The following HUNK variants were observed in gnomAD, a reference collection of about 807,000 sequenced individuals.
HUNK encodes hormonally up-regulated Neu-associated kinase.
In HUNK, 21 loss-of-function variants were observed where a neutral mutation model predicts 61.0. The observed-to-expected ratio is 0.34, with a 90% confidence interval of 0.24 to 0.50. The LOEUF is 0.50. Among genes scored for constraint, HUNK ranks in the 20% least tolerant of loss-of-function variants. The probability of loss-of-function intolerance (pLI) is 0.98; values close to 1 mark genes in which losing one functional copy is unlikely to be tolerated. For synonymous variants in HUNK, 371 were observed against 386.1 expected (o/e 0.96, Z 0.46); for missense variants, 772 against 945.7 (o/e 0.82, Z 2.41).
At chr21:31,919,852 C>T (rs1601378347) in intron 1 of HUNK, among the ~76,000 whole-genome samples, 2 of 152,290 alleles carry the variant, frequency 1.3e-5, no homozygotes, top group African/African-American at 4.8e-5. Flanking sequence ...TTCCCCACTG[C>T]CAAGGAGGGT....
In HUNK at chr21:31,995,854, C is replaced by A. The variant is rs1347913094; in HGVS notation, c.1392C>A (p.His464Gln). Reference protein sequence around the residue: ...SKKLDKNLPSHKQPSGSLMTQ... With the variant: ...SKKLDKNLPSQKQPSGSLMTQ... ...AGTTGGACAAGAACCTGCCCTCGCA[C>A]AAACAGCCCTCAGGCTCGCTTATGA... is the stretch of plus-strand genomic sequence containing the variant. The change falls in exon 10 of 11, where the codon CAC becomes CAA. Residue 464 changes from histidine to glutamine, a missense_variant. Transcript: ENST00000270112. 6.2e-7 allele frequency: 1 copy of A among 1,613,986 alleles called. No homozygotes were observed. Among genetic ancestry groups the A allele is most frequent in the Non-Finnish European group, 8.5e-7 (1 of 1,179,804 alleles).
At chr21:31,955,786 C>A (rs1455282989) in intron 4 of HUNK, among the ~76,000 whole-genome samples, 1 of 152,188 alleles carries the variant, frequency 6.6e-6, no homozygotes, top group African/African-American at 2.4e-5. Context: ...TTGAGAAACA[C>A]TGAATGAGTT....
intron 1 of HUNK, among the ~76,000 whole-genome samples, chr21:31,913,278 T>C (rs1463693468): frequency 6.6e-6 from 1 of 151,894 alleles, no homozygotes; most frequent in Admixed American, 6.6e-5. Context: ...GAATTGGGGT[T>C]GACCTGGCCA....
intron 1 of HUNK, among the ~76,000 whole-genome samples, chr21:31,875,103 C>T (rs1014949051): frequency 3.3e-5 from 5 of 152,170 alleles, no homozygotes; most frequent in Non-Finnish European, 7.4e-5. Flanking sequence ...AGGCGTCAGC[C>T]GCAAGGAGGG....
intron 5 of HUNK, among the ~76,000 whole-genome samples, chr21:31,963,623 A>T (rs944001703): frequency 6.6e-6 from 1 of 152,002 alleles, no homozygotes; most frequent in Non-Finnish European, 1.5e-5. Flanking sequence ...CAGCCTCCCA[A>T]GTAGCTGGGA....
At chr21:31,917,431 A>G (rs990737909) in intron 1 of HUNK, among the ~76,000 whole-genome samples, 24 of 152,112 alleles carry the variant, frequency 1.6e-4, no homozygotes, top group Non-Finnish European at 3.1e-4. Context: ...GTTGATGAAT[A>G]ATCTCTTTCA....
chr21:31,937,345 G>A (rs552038757), intron 2 of HUNK, among the ~76,000 whole-genome samples: 1 of 152,282 alleles, frequency 6.6e-6, no homozygotes, highest in African/African-American at 2.4e-5. Context: ...AGGAAGGAAG[G>A]TAAAAGCATT....
rs1568928042 is a variant in HUNK at position 31,930,996 on chromosome 21, C to CAT, written c.554+6239_554+6240dup. 4.6e-5 allele frequency among the ~76,000 whole-genome samples: 6 copies of CAT among 129,892 alleles called. No individual in the cohort carries two copies. In the Admixed American group the frequency reaches 5.7e-4, roughly 12 times the overall value. 85.2% of individuals were successfully genotyped at this position (129,892 alleles called of 152,430 possible). A position where few individuals can be genotyped will look rare whatever the true frequency, so the allele number is the denominator to read the frequency against. ...TATTCTTGTATTTTACCAAAATACC[C>CAT]ATATTGTAAATAAATCAAGAATTTG... On this transcript the variant is annotated intron_variant, in intron 2 of 10. Coordinates refer to ENST00000270112, the MANE Select transcript of HUNK (RefSeq NM_014586.2).
At chr21:31,908,218 A>G (rs1228459044) in intron 1 of HUNK, among the ~76,000 whole-genome samples, 2 of 151,896 alleles carry the variant, frequency 1.3e-5, no homozygotes, top group African/African-American at 2.4e-5. Context: ...AGAAAAAAAA[A>G]GTGGAGAGGG....
chr21:31,946,321 C>T, intron 4 of HUNK, 150 bp downstream of exon 4: 1 of 800,670 alleles, frequency 1.2e-6, no homozygotes, highest in Non-Finnish European at 1.9e-6. Context: ...GGCTTTCCAT[C>T]TCTGTTCCTT....
Position 31,974,566 on chromosome 21 carries a change from A to C in HUNK, c.1022A>C (p.Glu341Ala). The C allele has an allele frequency of 6.2e-7, 1 of 1,612,760 alleles. No individual in the cohort carries two copies. The part of the protein sequence containing the change: ...NVTYPNRISL[E>A]DLSPSVVLHM... ...TCTGCACCTCGCAGGATTTCTCTGG[A>C]AGATCTGAGCCCGAGCGTCGTGCTG... The change falls in exon 7 of 11, where the codon GAA (glutamate) becomes GCA (alanine). Residue 341 changes from glutamate (E) to alanine (A), a missense_variant. Physicochemically the swap from Glu to Ala is moderately radical, Grantham distance 107. Around this residue, in one of 2 missense-constraint regions of HUNK, gnomAD observed 359 missense variants for 501.3 expected, o/e 0.72. Coordinates refer to ENST00000270112, the MANE Select transcript of HUNK (RefSeq NM_014586.2).
At position 31,999,478 on chromosome 21, in the gene HUNK, G is replaced by C. The variant is rs559187565; in HGVS notation, c.*294G>C. ...TTCCCACTTCCCCCAGGCTTGGGGG[G>C]AAAACAGGGCATGAGCCTTCTGGGG... is the stretch of plus-strand genomic sequence containing the variant. On this transcript the variant is annotated 3_prime_UTR_variant, in exon 11 of 11. Transcript: ENST00000270112. 3.1e-4 allele frequency: 116 copies of C among 379,762 alleles called. No homozygotes were observed. The highest frequency in any genetic ancestry group is 2.2e-3 in the African/African-American group (111 of 49,518). The allele number at this position is 379,762 out of a possible 1,614,324, so 23.5% of individuals were successfully genotyped here.
intron 2 of HUNK, among the ~76,000 whole-genome samples, chr21:31,939,693 C>G (rs1424731967): frequency 1.3e-5 from 2 of 150,986 alleles, no homozygotes; most frequent in Non-Finnish European, 2.9e-5. Context: ...TAGGCGTGAG[C>G]CACCGTGCCC....
chr21:31,964,207 C>T (rs572727722), intron 5 of HUNK, among the ~76,000 whole-genome samples: 2 of 152,314 alleles, frequency 1.3e-5, no homozygotes, highest in Admixed American at 1.3e-4. Flanking sequence ...GAAGCGTTAG[C>T]TTTTATGAGG....
intron 9 of HUNK, among the ~76,000 whole-genome samples, chr21:31,995,313 C>T (rs144298245): frequency 1.1e-3 from 172 of 152,344 alleles, no homozygotes; most frequent in African/African-American, 3.8e-3. Flanking sequence ...GTTGTGTTGG[C>T]ACCTCCTTGG....
intron 9 of HUNK, 33 bp downstream of exon 9, chr21:31,990,209 G>C (rs765200790): frequency 1.0e-5 from 16 of 1,584,072 alleles, no homozygotes; most frequent in East Asian, 4.5e-5. Context: ...TGTTAGTCAG[G>C]GTTCTCCAGA....
chr21:31,912,277 G>C (rs1020261899), intron 1 of HUNK, among the ~76,000 whole-genome samples: 1 of 152,142 alleles, frequency 6.6e-6, no homozygotes, highest in African/African-American at 2.4e-5. Context: ...ATGACCGAGG[G>C]TTTGGTGCCT....
intron 2 of HUNK, among the ~76,000 whole-genome samples, chr21:31,939,130 C>A (rs2123826735): frequency 6.6e-6 from 1 of 152,244 alleles, no homozygotes. Context: ...CCTCCCGTCA[C>A]CTCAGTGTCA....
intron 1 of HUNK, among the ~76,000 whole-genome samples, chr21:31,912,107 C>T (rs553902771): frequency 2.0e-5 from 3 of 152,214 alleles, no homozygotes; most frequent in Admixed American, 6.5e-5. Flanking sequence ...TGGGGTTGGC[C>T]GTGGCCATGC....
Sources: gnomAD v4.1 joint callset for allele counts (sites outside exome capture counted in the v4.1 genomes callset) on GRCh38, gnomAD v4.1.1 for gene constraint, gnomAD v4.1.1 regional missense constraint, MANE v1.5 for transcripts, NCBI Gene and HGNC (gene_info 2026-07-23, HGNC 2026-07-21) for gene names.